DNAH14: variants seen among roughly 807,000 people sequenced by gnomAD.
DNAH14 encodes the protein axonemal beta dynein heavy chain 14.
In DNAH14, 478 loss-of-function variants were observed where a neutral mutation model predicts 520.9. The observed-to-expected ratio is 0.92, with a 90% CI of 0.85 to 0.99. The LOEUF (loss-of-function observed/expected upper bound fraction) is 0.99, where lower values mean the gene tolerates loss of function less well. Ranked by LOEUF, DNAH14 falls within the 50% of genes least tolerant of loss-of-function variation. The pLI, the probability that DNAH14 is intolerant of heterozygous loss-of-function variation, is 0.00. For missense variants in DNAH14, 4,831 were observed against 5,234.5 expected (o/e 0.92, Z 2.38); for synonymous variants, 1,581 against 1,757.2 (o/e 0.90, Z 2.51).
At position 225,051,495 on chromosome 1, in the gene DNAH14, T is replaced by TA; in HGVS notation, c.2126dup (p.Asn709LysfsTer36). 6.5e-7 allele frequency: 1 copy of TA among 1,543,332 alleles called. No individual in the cohort carries two copies. The highest frequency in any genetic ancestry group is 8.7e-7 in the Non-Finnish European group (1 of 1,143,764). ...TTATTGGTAATTCAATGGGCCTAGT[T>TA]AATGCTTACAGCCACAAGTTTATAA... On this transcript the variant is annotated frameshift_variant, in exon 17 of 86. Transcript: ENST00000682510. LOFTEE classifies it high-confidence loss of function.
At position 225,038,867 on chromosome 1, in the gene DNAH14, A is replaced by G. The variant is rs575892387; in HGVS notation, c.1488+44A>G. 2.1e-6 allele frequency: 3 copies of G among 1,412,836 alleles called. No homozygotes were observed. In the South Asian group the frequency reaches 4.5e-5, roughly 21 times the overall value. The allele number at this position is 1,412,836 out of a possible 1,614,324, so 87.5% of individuals were successfully genotyped here. A position where few individuals can be genotyped will look rare whatever the true frequency, so the allele number is the denominator to read the frequency against. On this transcript the variant is annotated intron_variant, in intron 12 of 85. Transcript: ENST00000682510. ...AATATAAACATAGATTTTTTGCTAT[A>G]AAATGAATACATTTTAAAATTTAAA...
intron 81 of DNAH14, 78 bp from the exon 82 acceptor site, chr1:225,388,301 C>A: frequency 1.3e-6 from 1 of 783,166 alleles, no homozygotes; most frequent in Non-Finnish European, 2.0e-6. Flanking sequence ...GAGTCTATTA[C>A]CAAGGTTTGC....
chr1:225,048,609 T>G (rs2068185326), intron 15 of DNAH14, among the ~76,000 whole-genome samples: 1 of 152,254 alleles, frequency 6.6e-6, no homozygotes, highest in African/African-American at 2.4e-5. Context: ...AGATTGCTTA[T>G]CCATTCACAT....
At chr1:224,967,822 T>C in intron 6 of DNAH14, 1 of 1,329,962 alleles carries the variant, frequency 7.5e-7, no homozygotes, top group South Asian at 2.4e-5. Context: ...TCAAATACTT[T>C]GTTAATACTT....
chr1:225,080,101 A>G (rs2072939883), intron 18 of DNAH14, among the ~76,000 whole-genome samples: 1 of 152,200 alleles, frequency 6.6e-6, no homozygotes. Context: ...TCAACTATGA[A>G]TGAATGTAGG....
chr1:225,158,310 T>C (rs1316063405), intron 34 of DNAH14, among the ~76,000 whole-genome samples: 1 of 152,126 alleles, frequency 6.6e-6, no homozygotes, highest in Non-Finnish European at 1.5e-5. Context: ...TAGAGGGAAC[T>C]GTTGTTTTAT....
At chr1:225,180,713 G>T (rs1202037769) in intron 36 of DNAH14, among the ~76,000 whole-genome samples, 1 of 152,156 alleles carries the variant, frequency 6.6e-6, no homozygotes, top group African/African-American at 2.4e-5. Flanking sequence ...CATGATTTAT[G>T]AAGGTGACAA....
chr1:225,231,091 C>T lies in DNAH14; in HGVS notation c.6458C>T (p.Thr2153Met), dbSNP rs1315707317. ...GFEQSDDLND[T>M]SSKEANSQRE... ...TTTTAAGGTGATGATTTGAATGACA[C>T]GTCATCTAAGGAGGCAAATTCCCAA... The change falls in exon 42 of 86, where the codon ACG (threonine) becomes ATG (methionine). Residue 2153 changes from threonine (T) to methionine (M), a missense_variant. Coordinates refer to ENST00000682510, the MANE Select transcript of DNAH14 (RefSeq NM_001367479.1). The T allele has an allele frequency of 3.9e-6, 6 of 1,547,230 alleles. No individual in the cohort carries two copies. The highest frequency in any genetic ancestry group is 2.4e-5 in the South Asian group (2 of 83,234).
intron 54 of DNAH14, among the ~76,000 whole-genome samples, chr1:225,282,620 G>T (rs2093651423): frequency 6.6e-6 from 1 of 152,186 alleles, no homozygotes; most frequent in Non-Finnish European, 1.5e-5. Context: ...TTAGCAACTG[G>T]AAGTTAATTA....
intron 4 of DNAH14, among the ~76,000 whole-genome samples, chr1:224,963,674 T>G (rs2125577034): frequency 6.6e-6 from 1 of 152,288 alleles, no homozygotes; most frequent in Non-Finnish European, 1.5e-5. Flanking sequence ...ATGATGTTAC[T>G]TATCCTCTTG....
At chr1:225,322,596 T>C in intron 61 of DNAH14, 68 bp from the exon 62 acceptor site, 1 of 1,365,768 alleles carries the variant, frequency 7.3e-7, no homozygotes, top group Non-Finnish European at 9.7e-7. Context: ...TATTGTCTTC[T>C]GAGATATTTA....
chr1:225,146,690 T>C (rs764243217), intron 30 of DNAH14, among the ~76,000 whole-genome samples: 4 of 152,222 alleles, frequency 2.6e-5, no homozygotes, highest in Non-Finnish European at 5.9e-5. Flanking sequence ...CATCTTTGCC[T>C]GATCCAGAAA....
At chr1:225,103,227 C>T (rs1440450202) in intron 23 of DNAH14, among the ~76,000 whole-genome samples, 1 of 152,166 alleles carries the variant, frequency 6.6e-6, no homozygotes, top group African/African-American at 2.4e-5. Context: ...TCTGAGGGCT[C>T]TGTTCTGTTC....
chr1:225,054,981 A>C lies in DNAH14; in HGVS notation c.2424+3186A>C, dbSNP rs115352144. Among the ~76,000 whole-genome samples, 690 of 151,356 alleles carry C rather than the reference A, an allele frequency of 4.6e-3. 1 individual carries two copies. Among genetic ancestry groups the C allele is most frequent in the African/African-American group, 0.016 (651 of 41,264 alleles). ...TTTTTTCCATTTCACCTTATATTTT[A>C]CTTTTTTCTTAAAGTTTTTGTCCTT... is the stretch of plus-strand genomic sequence containing the variant. On this transcript the variant is annotated intron_variant, in intron 17 of 85. Coordinates refer to ENST00000682510, the MANE Select transcript of DNAH14 (RefSeq NM_001367479.1).
intron 1 of DNAH14, among the ~76,000 whole-genome samples, chr1:224,944,583 AG>A (rs1272158357): frequency 6.6e-6 from 1 of 152,174 alleles, no homozygotes; most frequent in East Asian, 1.9e-4. Flanking sequence ...GTTTCTTCCT[AG>A]CCTCAATGGT....
At chr1:225,178,150 C>A (rs1167079445) in intron 36 of DNAH14, among the ~76,000 whole-genome samples, 1 of 152,150 alleles carries the variant, frequency 6.6e-6, no homozygotes, top group Non-Finnish European at 1.5e-5. Context: ...GCATTTCGGA[C>A]TTACATGAGG....
Position 225,276,067 on chromosome 1 carries a change from T to A in DNAH14, c.8164T>A (p.Ser2722Thr), listed in dbSNP as rs553616826. ...VLDEFQMKLG[S>T]ISLELSHSMV... ...TGATGAATTCCAAATGAAGTTGGGTTCAATTTCTTTGGAGGTAAACATATA... is the reference window on the plus strand; with the variant it reads ...TGATGAATTCCAAATGAAGTTGGGTACAATTTCTTTGGAGGTAAACATATA... Residue 2722 changes from serine (S) to threonine (T), a missense_variant, in exon 53 of 86, where the codon TCA becomes ACA. Physicochemically the swap from Ser to Thr is moderately conservative, Grantham distance 58. Coordinates refer to ENST00000682510, the MANE Select transcript of DNAH14 (RefSeq NM_001367479.1). The A allele has an allele frequency of 2.8e-6, 1 of 352,430 alleles. No homozygotes were observed. The highest frequency in any genetic ancestry group is 2.2e-5 in the African/African-American group (1 of 45,780). The allele number at this position is 352,430 out of a possible 1,614,324, so 21.8% of individuals were successfully genotyped here.
chr1:225,223,823 A>G, intron 41 of DNAH14, among the ~76,000 whole-genome samples: 1 of 152,220 alleles, frequency 6.6e-6, no homozygotes, highest in South Asian at 2.1e-4. Context: ...ACTATGTGTC[A>G]GTATCATGTA....
At chr1:225,165,518 C>G (rs956769122) in intron 35 of DNAH14, among the ~76,000 whole-genome samples, 1 of 151,512 alleles carries the variant, frequency 6.6e-6, no homozygotes, top group East Asian at 1.9e-4. Flanking sequence ...TTTCTTAGTA[C>G]TTACATGTGT....
Sources: allele counts gnomAD v4.1 joint callset (sites outside exome capture counted in the v4.1 genomes callset), GRCh38; gene constraint gnomAD v4.1.1; transcripts MANE v1.5; gene names NCBI Gene and HGNC (gene_info 2026-07-23, HGNC 2026-07-21).